TMEM154: variants seen among roughly 807,000 people sequenced by gnomAD.
TMEM154 encodes the protein transmembrane protein 154.
A neutral mutation model predicts 24.5 loss-of-function variants in TMEM154; 27 were observed. That is an observed-to-expected ratio of 1.10 (90% CI 0.81 to 1.52). The LOEUF (loss-of-function observed/expected upper bound fraction) is 1.52. Among genes scored for constraint, TMEM154 ranks in the 40% most tolerant of loss-of-function variants. The pLI, the probability that TMEM154 is intolerant of heterozygous loss-of-function variation, is 0.00. For missense variants in TMEM154, 228 were observed against 213.4 expected (o/e 1.07, Z -0.43); for synonymous variants, 67 against 76.8 (o/e 0.87, Z 0.67).
At chr4:152,637,541 G>A (rs1204914820) in intron 6 of TMEM154, among the ~76,000 whole-genome samples, 4 of 148,884 alleles carry the variant, frequency 2.7e-5, no homozygotes, top group African/African-American at 5.1e-5. Context: ...ATGAAACTCA[G>A]TCTCGAAAAA....
intron 3 of TMEM154, among the ~76,000 whole-genome samples, chr4:152,646,345 G>T (rs71620221): frequency 0.14 from 21,849 of 152,136 alleles, 2,367 homozygotes; most frequent in African/African-American, 0.3. Context: ...TAATCAGTTT[G>T]AAAACAGAGC....
In TMEM154 at chr4:152,628,565, T is replaced by TAAAAAAAAAAAAAAAAAAAAAAAA; in HGVS notation, c.537-28_537-5dup. 1 of 518,478 alleles carries TAAAAAAAAAAAAAAAAAAAAAAAA rather than the reference T, an allele frequency of 1.9e-6. No individual in the cohort carries two copies. Among genetic ancestry groups the TAAAAAAAAAAAAAAAAAAAAAAAA allele is most frequent in the Non-Finnish European group, 2.4e-6 (1 of 415,834 alleles). 32.1% of individuals were successfully genotyped at this position (518,478 alleles called of 1,614,324 possible). A position where few individuals can be genotyped will look rare whatever the true frequency, so the allele number is the denominator to read the frequency against. Reference sequence around the variant, plus strand: ...TCAGGTTTAGGATTCACTGTCACTGTAAAAAAAAAAAAAAAAAAAAAAAAA... The same window carrying TAAAAAAAAAAAAAAAAAAAAAAAA: ...TCAGGTTTAGGATTCACTGTCACTGTAAAAAAAAAAAAAAAAAAAAAAAAAAAAAAAAAAAAAAAAAAAAAAAAA... On this transcript the variant is annotated splice_region_variant and splice_polypyrimidine_tract_variant and intron_variant, in intron 6 of 6. Coordinates refer to ENST00000304385, the MANE Select transcript of TMEM154 (RefSeq NM_152680.3).
At chr4:152,661,284 T>TTCTCTTTCTC (rs1728596320) in intron 1 of TMEM154, among the ~76,000 whole-genome samples, 3 of 63,412 alleles carry the variant, frequency 4.7e-5, no homozygotes, top group African/African-American at 6.0e-5. Flanking sequence ...ATTGTTCTCT[T>TTCTCTTTCTC]TCTCTCTCTC....
chr4:152,632,423 C>T lies in TMEM154; in HGVS notation c.537-3862G>A, dbSNP rs562711264. On this transcript the variant is annotated intron_variant, in intron 6 of 6. Transcript: ENST00000304385. ...TGACACGCTCCCTGTGAAGTCCCCACCCTTATTCCATCTTACAATTTCACT... is the reference window on the plus strand; with the variant it reads ...TGACACGCTCCCTGTGAAGTCCCCATCCTTATTCCATCTTACAATTTCACT... 5.9e-5 allele frequency among the ~76,000 whole-genome samples: 9 copies of T among 152,324 alleles called. No individual in the cohort carries two copies. The East Asian group carries it at 1.4e-3, about 23-fold the overall frequency.
intron 1 of TMEM154, among the ~76,000 whole-genome samples, chr4:152,667,242 C>T (rs374193125): frequency 6.6e-6 from 1 of 152,194 alleles, no homozygotes; most frequent in African/African-American, 2.4e-5. Context: ...TGATCTCCTC[C>T]TTCCCCTAAC....
chr4:152,665,596 C>T (rs978690989), intron 1 of TMEM154, among the ~76,000 whole-genome samples: 5 of 152,156 alleles, frequency 3.3e-5, no homozygotes, highest in African/African-American at 1.2e-4. Flanking sequence ...AGGGTTTAAA[C>T]CCTGCATATC....
intron 6 of TMEM154, among the ~76,000 whole-genome samples, chr4:152,638,083 A>G (rs1363913296): frequency 1.3e-5 from 2 of 152,176 alleles, no homozygotes; most frequent in African/African-American, 4.8e-5. Flanking sequence ...GAGCAACATA[A>G]GGAGACCCTG....
chr4:152,663,337 A>T (rs142215035), intron 1 of TMEM154, among the ~76,000 whole-genome samples: 101 of 152,352 alleles, frequency 6.6e-4, no homozygotes, highest in African/African-American at 2.4e-3. Context: ...AGGTGGGGCT[A>T]GAGGTAAAAC....
At position 152,626,401 on chromosome 4, in the gene TMEM154, T is replaced by C. The variant is rs1751922600; in HGVS notation, c.*2145A>G. On this transcript the variant is annotated 3_prime_UTR_variant, in exon 7 of 7. Transcript: ENST00000304385. Reference sequence around the variant, plus strand: ...TCATAAACATATGATATCTATTGATTAAACAGTAATAAAAAGACACAAGGT... The same window carrying C: ...TCATAAACATATGATATCTATTGATCAAACAGTAATAAAAAGACACAAGGT... 1 of 152,388 alleles carries C rather than the reference T, an allele frequency of 6.6e-6. No individual in the cohort carries two copies. The highest frequency in any genetic ancestry group is 2.1e-4 in the South Asian group (1 of 4,834). The allele number at this position is 152,388 out of a possible 1,614,324, so 9.4% of individuals were successfully genotyped here.
rs1751912143 is a variant in TMEM154, at chr4:152,626,031, G to A, written c.*2515C>T. 6.6e-6 allele frequency: 1 copy of A among 152,444 alleles called. No individual in the cohort carries two copies. Among genetic ancestry groups the A allele is most frequent in the African/African-American group, 2.4e-5 (1 of 41,426 alleles). The allele number at this position is 152,444 out of a possible 1,614,324, so 9.4% of individuals were successfully genotyped here. ...TTATCCAGGAGCCACCTACATCAAG[G>A]TGGATCCAGGCTGTGGTCTTGCATT... is the stretch of plus-strand genomic sequence containing the variant. On this transcript the variant is annotated 3_prime_UTR_variant, in exon 7 of 7. Coordinates refer to ENST00000304385, the MANE Select transcript of TMEM154 (RefSeq NM_152680.3).
At chr4:152,672,872 C>A (rs1041250223) in intron 1 of TMEM154, among the ~76,000 whole-genome samples, 24 of 152,190 alleles carry the variant, frequency 1.6e-4, no homozygotes, top group African/African-American at 5.5e-4. Flanking sequence ...ATTTTGTGGG[C>A]CAAGAGGCAA....
In TMEM154 at chr4:152,626,771, G is replaced by A. The variant is rs1751930166; in HGVS notation, c.*1775C>T. 6.6e-6 allele frequency: 1 copy of A among 152,218 alleles called. No homozygotes were observed. The highest frequency in any genetic ancestry group is 6.5e-5 in the Admixed American group (1 of 15,280). 9.4% of individuals were successfully genotyped at this position (152,218 alleles called of 1,614,324 possible). On this transcript the variant is annotated 3_prime_UTR_variant, in exon 7 of 7. Coordinates refer to ENST00000304385, the MANE Select transcript of TMEM154 (RefSeq NM_152680.3). ...CTAAAGAGAGAAAGGGGCAAATGGA[G>A]GCTCTTCTGAGAGTCAAAATGTTGA... is the stretch of plus-strand genomic sequence containing the variant.
intron 1 of TMEM154, chr4:152,666,832 G>A (rs1407444611): frequency 3.3e-5 from 5 of 152,262 alleles, no homozygotes; most frequent in Non-Finnish European, 5.9e-5. Context: ...GTGGATGGAT[G>A]ACACCACTGG....
At chr4:152,661,952 G>T (rs1041547647) in intron 1 of TMEM154, among the ~76,000 whole-genome samples, 7 of 152,064 alleles carry the variant, frequency 4.6e-5, no homozygotes, top group African/African-American at 1.7e-4. Context: ...GACACAAATG[G>T]TAGCACAATT....
chr4:152,656,300 C>T (rs906693580), intron 1 of TMEM154, among the ~76,000 whole-genome samples: 3 of 152,132 alleles, frequency 2.0e-5, no homozygotes, highest in Non-Finnish European at 2.9e-5. Flanking sequence ...AACCAGCCTG[C>T]CTGGACACAC....
chr4:152,639,170 C>T (rs1247982533), intron 6 of TMEM154, among the ~76,000 whole-genome samples: 2 of 152,052 alleles, frequency 1.3e-5, no homozygotes, highest in African/African-American at 4.8e-5. Context: ...AGGCTGGTCT[C>T]GAACTCCTGG....
intron 3 of TMEM154, chr4:152,647,368 T>C (rs1728273605): frequency 2.0e-6 from 2 of 977,546 alleles, no homozygotes. Flanking sequence ...ATATTCTGCT[T>C]TTATTAACTT....
At chr4:152,634,572 C>T (rs918111677) in intron 6 of TMEM154, among the ~76,000 whole-genome samples, 2 of 152,152 alleles carry the variant, frequency 1.3e-5, no homozygotes, top group Non-Finnish European at 2.9e-5. Flanking sequence ...AGATCATGCC[C>T]GTGTTGTGGA....
In TMEM154 at chr4:152,626,229, T is replaced by C. The variant is rs1751916073; in HGVS notation, c.*2317A>G. On this transcript the variant is annotated 3_prime_UTR_variant, in exon 7 of 7. Transcript: ENST00000304385. ...AAATGCAATCAAACTTACATATCTT[T>C]TAAATATTCGAAAGTCAGATTTTGT... 6.6e-6 allele frequency: 1 copy of C among 152,658 alleles called. No individual in the cohort carries two copies. The highest frequency in any genetic ancestry group is 1.5e-5 in the Non-Finnish European group (1 of 68,038). The allele number at this position is 152,658 out of a possible 1,614,324, so 9.5% of individuals were successfully genotyped here.
Sources: allele counts gnomAD v4.1 joint callset (sites outside exome capture counted in the v4.1 genomes callset), GRCh38; gene constraint gnomAD v4.1.1; transcripts MANE v1.5; gene names NCBI Gene and HGNC (gene_info 2026-07-23, HGNC 2026-07-21).